PCDH9: variants seen among roughly 807,000 people sequenced by gnomAD.
The protein encoded by PCDH9 is protocadherin-9.
PCDH9 carries 24 observed loss-of-function variants against 70.6 expected under a neutral mutation model. The observed-to-expected ratio is 0.34, with a 90% CI of 0.25 to 0.48. PCDH9 has a LOEUF of 0.48. Ranked by LOEUF, PCDH9 falls within the 20% of genes least tolerant of loss-of-function variation. PCDH9 has a pLI of 0.99. For missense variants in PCDH9, 1,281 were observed against 1,503.6 expected (o/e 0.85, Z 2.45); for synonymous variants, 562 against 558.5 (o/e 1.01, Z -0.09).
At chr13:66,335,345 C>T (rs981394419) in intron 4 of PCDH9, among the ~76,000 whole-genome samples, 1 of 152,094 alleles carries the variant, frequency 6.6e-6, no homozygotes, top group African/African-American at 2.4e-5. Flanking sequence ...CTTGCTCTGA[C>T]ATTTTCTACA....
In PCDH9 at chr13:66,800,598, C is replaced by T. The variant is rs1203522828; in HGVS notation, c.3138+102906G>A. 2.0e-5 allele frequency among the ~76,000 whole-genome samples: 3 copies of T among 151,942 alleles called. No individual in the cohort carries two copies. The East Asian group carries it at 5.8e-4, about 29-fold the overall frequency. On this transcript the variant is annotated intron_variant, in intron 3 of 4. Coordinates refer to ENST00000377865, the MANE Select transcript of PCDH9 (RefSeq NM_203487.3). ...AGATGCTCAAGCATATCCTCATACG[C>T]CAAATGGATAAATAAAAAGTACTTT...
chr13:66,762,346 G>A (rs1181713030), intron 3 of PCDH9, among the ~76,000 whole-genome samples: 2 of 152,022 alleles, frequency 1.3e-5, no homozygotes, highest in Non-Finnish European at 2.9e-5. Flanking sequence ...AGGCCAGGAG[G>A]CTAAATTAAT....
chr13:66,829,774 G>C (rs9540930), intron 3 of PCDH9, among the ~76,000 whole-genome samples: 17 of 101,462 alleles, frequency 1.7e-4, no homozygotes, highest in African/African-American at 5.7e-4. Flanking sequence ...AAAAACTATA[G>C]ATTTTGTTCT....
At chr13:66,728,255 A>C (rs1593961828) in intron 3 of PCDH9, among the ~76,000 whole-genome samples, 1 of 152,214 alleles carries the variant, frequency 6.6e-6, no homozygotes, top group East Asian at 1.9e-4. Context: ...TTTTAAACTT[A>C]GGTTGTCAAT....
At chr13:66,999,040 A>G (rs898505925) in intron 2 of PCDH9, among the ~76,000 whole-genome samples, 1 of 152,220 alleles carries the variant, frequency 6.6e-6, no homozygotes, top group African/African-American at 2.4e-5. Context: ...CCTTCTGTCC[A>G]TCCTGTAATA....
At chr13:67,089,617 C>CA (rs1409815576) in intron 2 of PCDH9, among the ~76,000 whole-genome samples, 2 of 151,746 alleles carry the variant, frequency 1.3e-5, no homozygotes, top group African/African-American at 4.8e-5. Context: ...CATACTTGGA[C>CA]AAAAAATGAG....
At chr13:67,095,605 G>A (rs897762032) in intron 2 of PCDH9, among the ~76,000 whole-genome samples, 4 of 152,072 alleles carry the variant, frequency 2.6e-5, no homozygotes, top group African/African-American at 9.7e-5. Context: ...TTACATCAGT[G>A]TGACTTTGGA....
At chr13:67,035,243 T>C (rs984536188) in intron 2 of PCDH9, among the ~76,000 whole-genome samples, 2 of 152,156 alleles carry the variant, frequency 1.3e-5, no homozygotes, top group Non-Finnish European at 2.9e-5. Flanking sequence ...AGGGCATGTG[T>C]CTCTTGTCAA....
chr13:66,514,489 C>A (rs1045947961), intron 4 of PCDH9, among the ~76,000 whole-genome samples: 759 of 132,166 alleles, frequency 5.7e-3, no homozygotes, highest in Middle Eastern at 0.022. Context: ...GGAGTGAATT[C>A]AAAAAAAAAA....
At chr13:66,918,687 T>G (rs1160944819) in intron 2 of PCDH9, among the ~76,000 whole-genome samples, 1 of 151,286 alleles carries the variant, frequency 6.6e-6, no homozygotes, top group African/African-American at 2.4e-5. Context: ...TATTTTATAT[T>G]ATTATGATAA....
At chr13:66,567,748 A>T (rs372190630) in intron 4 of PCDH9, among the ~76,000 whole-genome samples, 92 of 152,302 alleles carry the variant, frequency 6.0e-4, no homozygotes, top group Non-Finnish European at 1.2e-3. Flanking sequence ...AATTTAATTG[A>T]CATTATAATC....
At chr13:67,028,420 G>T (rs1482824267) in intron 2 of PCDH9, among the ~76,000 whole-genome samples, 1 of 111,008 alleles carries the variant, frequency 9.0e-6, no homozygotes, top group East Asian at 3.2e-4. Flanking sequence ...AACTGCTGTG[G>T]GGTGGGGGGA....
At chr13:66,542,989 G>A (rs1416647524) in intron 4 of PCDH9, among the ~76,000 whole-genome samples, 1 of 151,214 alleles carries the variant, frequency 6.6e-6, no homozygotes, top group Non-Finnish European at 1.5e-5. Flanking sequence ...AAGTCATATG[G>A]TCATAAAATG....
At chr13:66,320,792 G>A (rs1352397140) in intron 4 of PCDH9, among the ~76,000 whole-genome samples, 3 of 151,956 alleles carry the variant, frequency 2.0e-5, no homozygotes, top group South Asian at 2.1e-4. Flanking sequence ...CATTAGGTGG[G>A]TCTTAATTAT....
intron 4 of PCDH9, among the ~76,000 whole-genome samples, chr13:66,574,842 C>T (rs1320654823): frequency 6.6e-6 from 1 of 152,132 alleles, no homozygotes; most frequent in African/African-American, 2.4e-5. Context: ...ACTGTGACAA[C>T]TCAGTGCAGG....
intron 2 of PCDH9, among the ~76,000 whole-genome samples, chr13:67,097,319 A>G (rs898695214): frequency 1.3e-5 from 2 of 152,132 alleles, no homozygotes; most frequent in African/African-American, 4.8e-5. Context: ...TTTAACTAAA[A>G]GCTATCCTGT....
chr13:66,809,101 C>A (rs963657464), intron 3 of PCDH9, among the ~76,000 whole-genome samples: 2 of 152,154 alleles, frequency 1.3e-5, no homozygotes, highest in African/African-American at 4.8e-5. Flanking sequence ...GCCCCCGCCA[C>A]CACGCTCGAC....
At chr13:66,917,935 G>A (rs541669093) in intron 2 of PCDH9, among the ~76,000 whole-genome samples, 4 of 151,362 alleles carry the variant, frequency 2.6e-5, no homozygotes, top group East Asian at 1.9e-4. Context: ...GGTACATTAG[G>A]AAAATGATAT....
chr13:66,324,649 GA>G (rs1385276549), intron 4 of PCDH9, among the ~76,000 whole-genome samples: 2 of 152,034 alleles, frequency 1.3e-5, no homozygotes, highest in Admixed American at 1.3e-4. Flanking sequence ...TAAAACATTT[GA>G]AAAGGTAGAA....
Sources: gnomAD v4.1 joint callset for allele counts (sites outside exome capture counted in the v4.1 genomes callset) on GRCh38, gnomAD v4.1.1 for gene constraint, MANE v1.5 for transcripts, NCBI Gene and HGNC (gene_info 2026-07-23, HGNC 2026-07-21) for gene names.